Variants in CACNA1D observed in about 807,000 individuals in gnomAD.
CACNA1D encodes voltage-dependent L-type calcium channel subunit alpha-1D.
CACNA1D carries 55 observed loss-of-function variants against 257.1 expected under a neutral mutation model. The ratio of observed to expected loss-of-function variants is 0.21; its 90% CI spans 0.17 to 0.27. The LOEUF is 0.27. CACNA1D is among the 10% of genes least tolerant of loss of function. The pLI is 1.00. For synonymous variants in CACNA1D, 980 were observed against 1,014.9 expected (o/e 0.97, Z 0.65); for missense variants, 1,876 against 2,784.0 (o/e 0.67, Z 7.34).
chr3:53,749,063 A>G (rs920009506), intron 26 of CACNA1D: 5 of 696,004 alleles, frequency 7.2e-6, no homozygotes, highest in South Asian at 3.0e-5. Flanking sequence ...CGATGATGAT[A>G]TCCTGGGTGC....
intron 3 of CACNA1D, among the ~76,000 whole-genome samples, chr3:53,547,258 C>T (rs1247007533): frequency 2.0e-5 from 3 of 152,130 alleles, no homozygotes; most frequent in African/African-American, 7.2e-5. Context: ...CCTGCTTGCC[C>T]CCCATTCATT....
intron 8 of CACNA1D, among the ~76,000 whole-genome samples, chr3:53,681,856 A>G (rs1490874006): frequency 1.3e-5 from 2 of 152,206 alleles, no homozygotes; most frequent in Admixed American, 1.3e-4. Context: ...AAGGTGGGAC[A>G]AGAAGCTAGG....
intron 12 of CACNA1D, 120 bp downstream of exon 12, chr3:53,722,594 A>G (rs1045821974): frequency 1.9e-6 from 2 of 1,060,590 alleles, no homozygotes; most frequent in African/African-American, 3.1e-5. Flanking sequence ...TAGTGAGGAC[A>G]AACTTGGTAG....
rs113961389 is a variant in CACNA1D, at chr3:53,638,281, T to C, written c.484-12498T>C. 1.2e-4 allele frequency among the ~76,000 whole-genome samples: 19 copies of C among 152,306 alleles called. 1 individual carries two copies. Among genetic ancestry groups the C allele is most frequent in the African/African-American group, 4.6e-4 (19 of 41,570 alleles). ...AGTCCAGGAAGGTGTAAGAGCAGCT[T>C]TAGATGAGGCAGCTGTCTCCCTCAT... is the stretch of plus-strand genomic sequence containing the variant. On this transcript the variant is annotated intron_variant, in intron 3 of 47. Coordinates refer to ENST00000350061, the MANE Select transcript of CACNA1D (RefSeq NM_001128840.3).
At chr3:53,747,511 CT>C in intron 26 of CACNA1D, 63 bp downstream of exon 26, 2 of 1,517,400 alleles carry the variant, frequency 1.3e-6, no homozygotes, top group Non-Finnish European at 9.1e-7. Flanking sequence ...TGAGCCCTCC[CT>C]CCTGGAGTCA....
chr3:53,628,104 G>A (rs886105000), intron 3 of CACNA1D, among the ~76,000 whole-genome samples: 2 of 152,106 alleles, frequency 1.3e-5, no homozygotes, highest in Non-Finnish European at 2.9e-5. Context: ...CTAATACCTG[G>A]GTAACAGGAA....
Position 53,750,558 on chromosome 3 carries a change from C to CT in CACNA1D, c.3516+1092dup, listed in dbSNP as rs542131358. 5.3e-5 allele frequency among the ~76,000 whole-genome samples: 8 copies of CT among 152,310 alleles called. No homozygotes were observed. In the East Asian group the frequency reaches 1.3e-3, roughly 26 times the overall value. On this transcript the variant is annotated intron_variant, in intron 27 of 47. Coordinates refer to ENST00000350061, the MANE Select transcript of CACNA1D (RefSeq NM_001128840.3). ...GGTTTGTGTTTGCAGGAAGATTTTC[C>CT]TTTGAGTTGTCAGGGTGTCCCTGTA...
chr3:53,597,011 C>T (rs545436542), intron 3 of CACNA1D, among the ~76,000 whole-genome samples: 1 of 152,112 alleles, frequency 6.6e-6, no homozygotes, highest in South Asian at 2.1e-4. Context: ...AGAAAATCGA[C>T]CTGAAAATGC....
At position 53,495,329 on chromosome 3, in the gene CACNA1D, G is replaced by T. The variant is rs2090297816; in HGVS notation, c.67+96G>T. On this transcript the variant is annotated intron_variant, in intron 1 of 47. Coordinates refer to ENST00000350061, the MANE Select transcript of CACNA1D (RefSeq NM_001128840.3). The surrounding 1 kb of genome is among the most constrained non-coding windows in gnomAD (Gnocchi z 5.1). The stretch of plus-strand genomic sequence containing the variant: ...TCCCCGCGGCGCTGGATGGGTTGAG[G>T]GGGTTGGAGAGGGTGCTGCCAGCTC... 1 of 1,487,838 alleles carries T rather than the reference G, an allele frequency of 6.7e-7. No homozygotes were observed. Among genetic ancestry groups the T allele is most frequent in the African/African-American group, 1.4e-5 (1 of 72,504 alleles). The allele number at this position is 1,487,838 out of a possible 1,614,324, so 92.2% of individuals were successfully genotyped here.
At chr3:53,778,705 C>T (rs771279173) in intron 37 of CACNA1D, among the ~76,000 whole-genome samples, 13 of 152,240 alleles carry the variant, frequency 8.5e-5, no homozygotes, top group Admixed American at 3.9e-4. Flanking sequence ...TGACTGGGGT[C>T]CAGAGAGGGT....
intron 8 of CACNA1D, among the ~76,000 whole-genome samples, chr3:53,684,621 C>CAAAAAAAAAA (rs60026644): frequency 1.5e-4 from 13 of 84,514 alleles, no homozygotes; most frequent in Non-Finnish European, 2.3e-4. Flanking sequence ...GAAACTCTGT[C>CAAAAAAAAAA]AAAAAAAAAA....
intron 10 of CACNA1D, among the ~76,000 whole-genome samples, chr3:53,719,175 ATCTTAC>A (rs1408444192): frequency 6.6e-6 from 1 of 152,166 alleles, no homozygotes; most frequent in Non-Finnish European, 1.5e-5. Flanking sequence ...AGAGAACTCA[ATCTTAC>A]TCTTGGCAGA....
chr3:53,654,057 A>G (rs1333958804), intron 4 of CACNA1D, among the ~76,000 whole-genome samples: 2 of 152,212 alleles, frequency 1.3e-5, no homozygotes, highest in African/African-American at 4.8e-5. Context: ...TCAGTAAAAT[A>G]TCTTTCAGAG....
rs1394931346 is a variant in CACNA1D, at chr3:53,808,735, C to A, written c.5836C>A (p.Arg1946Ser). 1.2e-6 allele frequency: 2 copies of A among 1,608,606 alleles called. No individual in the cohort carries two copies. The highest frequency in any genetic ancestry group is 8.5e-7 in the Non-Finnish European group (1 of 1,179,996). Residue 1946 changes from arginine to serine, a missense_variant, in exon 46 of 48, where the codon CGC becomes AGC. Arg to Ser is a moderately radical substitution (Grantham distance 110). This residue lies in a region of CACNA1D where 491 missense variants were observed against 554.3 expected (regional missense o/e 0.89). Transcript: ENST00000350061. ...CCCGTCGTCTCCCATCTTCCCCCAT[C>A]GCACGGCCCTGCCTCTGCATCTAAT... ...EVPSSPIFPH[R>S]TALPLHLMQQ...
At chr3:53,543,774 G>C (rs1373581427) in intron 3 of CACNA1D, among the ~76,000 whole-genome samples, 1 of 152,086 alleles carries the variant, frequency 6.6e-6, no homozygotes, top group Non-Finnish European at 1.5e-5. Context: ...TCTCGTCCAG[G>C]GTCACATGGC....
At chr3:53,592,068 A>G (rs1167050504) in intron 3 of CACNA1D, among the ~76,000 whole-genome samples, 11 of 152,210 alleles carry the variant, frequency 7.2e-5, no homozygotes, top group Non-Finnish European at 2.9e-5. Context: ...CTACAGTGTG[A>G]CAGGTGCTCA....
At chr3:53,779,708 A>C (rs2095416144) in intron 37 of CACNA1D, among the ~76,000 whole-genome samples, 1 of 152,168 alleles carries the variant, frequency 6.6e-6, no homozygotes, top group Non-Finnish European at 1.5e-5. Flanking sequence ...GCCCTCATCA[A>C]CAGAATGAGG....
intron 3 of CACNA1D, among the ~76,000 whole-genome samples, chr3:53,542,597 T>TAAAC (rs2092321911): frequency 6.6e-6 from 1 of 151,164 alleles, no homozygotes; most frequent in African/African-American, 2.4e-5. Flanking sequence ...AATAAATAAA[T>TAAAC]AAATAAACAA....
At chr3:53,603,790 G>A (rs1222717055) in intron 3 of CACNA1D, among the ~76,000 whole-genome samples, 1 of 152,190 alleles carries the variant, frequency 6.6e-6, no homozygotes, top group African/African-American at 2.4e-5. Context: ...ATATCCTATG[G>A]TTGATTTCCA....
Sources: allele counts gnomAD v4.1 joint callset (sites outside exome capture counted in the v4.1 genomes callset), GRCh38; gene constraint gnomAD v4.1.1; regional missense constraint gnomAD v4.1.1; non-coding constraint Gnocchi (gnomAD v3.1); transcripts MANE v1.5; gene names NCBI Gene and HGNC (gene_info 2026-07-23, HGNC 2026-07-21).